Variants in ASMT observed in about 807,000 individuals in gnomAD.
ASMT encodes the protein acetylserotonin N-methyltransferase.
In ASMT, 53 loss-of-function variants were observed where a neutral mutation model predicts 41.3. The ratio of observed to expected loss-of-function variants is 1.28; its 90% CI spans 1.03 to 1.61. ASMT has a LOEUF of 1.61. Ranked by LOEUF, ASMT falls within the 40% of genes most tolerant of loss-of-function variation. ASMT has a pLI of 0.00. For missense variants in ASMT, 531 were observed against 441.3 expected (o/e 1.20, Z -1.82); for synonymous variants, 231 against 184.8 (o/e 1.25, Z -2.03).
chrX:1,624,394 G>A lies in ASMT; in HGVS notation c.370G>A (p.Val124Met), dbSNP rs202198958. 47 of 1,613,308 alleles carry A rather than the reference G, an allele frequency of 2.9e-5. No homozygotes were observed. Among genetic ancestry groups the A allele is most frequent in the Middle Eastern group, 1.8e-4 (1 of 5,544 alleles). Residue 124 changes from valine to methionine, a missense_variant, in exon 3 of 9, where the codon GTG becomes ATG. Val to Met is a conservative substitution (Grantham distance 21). Transcript: ENST00000381241. ...YRCWGHLADA[V>M]REGRNQYLET... is the part of the protein sequence containing the mutation. ...GTGCTGGGGCCACCTGGCAGACGCC[G>A]TGAGGTGGGGGCTGCCCCCAGGCAG...
intron 3 of ASMT, among the ~76,000 whole-genome samples, chrX:1,626,814 G>A (rs1162835489): frequency 1.2e-5 from 1 of 81,236 alleles, no homozygotes; most frequent in Non-Finnish European, 2.7e-5. Context: ...GATCACCTGA[G>A]GTCACGAGTT....
chrX:1,625,881 G>A (rs1354953984), intron 3 of ASMT, among the ~76,000 whole-genome samples: 11 of 150,198 alleles, frequency 7.3e-5, no homozygotes, highest in African/African-American at 2.7e-4. Context: ...TGTGAACCCG[G>A]GAGGCGGAGG....
chrX:1,636,459 T>C lies in ASMT; in HGVS notation c.809T>C (p.Leu270Pro). 6.2e-7 allele frequency: 1 copy of C among 1,613,920 alleles called. No homozygotes were observed. The highest frequency in any genetic ancestry group is 1.1e-5 in the South Asian group (1 of 91,072). ...FQEGDFFKDP[L>P]PEADLYILAR... ...CCAGGGGATTTCTTCAAAGACCCTC[T>C]TCCGGAAGCTGATCTGTACATCCTG... is the stretch of plus-strand genomic sequence containing the variant. Residue 270 changes from leucine to proline, a missense_variant, in exon 8 of 9, where the codon CTT becomes CCT. Transcript: ENST00000381241.
rs375915381 is a variant in ASMT at position 1,636,516 on chromosome X, A to G, written c.866A>G (p.Lys289Arg). 2 of 1,613,910 alleles carry G rather than the reference A, an allele frequency of 1.2e-6. No homozygotes were observed. Residue 289 changes from lysine to arginine, a missense_variant, in exon 8 of 9, where the codon AAG becomes AGG. Physicochemically the swap from Lys to Arg is conservative, Grantham distance 26. Transcript: ENST00000381241. The part of the protein sequence containing the change: ...ARVLHDWADG[K>R]CSHLLERIYH... Reference sequence around the variant, plus strand: ...GTCCTCCATGACTGGGCAGACGGAAAGTGCTCACACCTGCTGGAGAGGATC... The same window carrying G: ...GTCCTCCATGACTGGGCAGACGGAAGGTGCTCACACCTGCTGGAGAGGATC...
intron 1 of ASMT, among the ~76,000 whole-genome samples, chrX:1,618,304 C>T (rs1183821649): frequency 6.6e-6 from 1 of 152,130 alleles, no homozygotes; most frequent in East Asian, 1.9e-4. Context: ...GCTGGGATTT[C>T]AGGCGTCCAC....
At position 1,642,792 on chromosome X, in the gene ASMT, TC is replaced by T; in HGVS notation, c.911-8del. The T allele has an allele frequency of 6.2e-7, 1 of 1,611,886 alleles. No individual in the cohort carries two copies. Among genetic ancestry groups the T allele is most frequent in the Non-Finnish European group, 8.5e-7 (1 of 1,178,090 alleles). On this transcript the variant is annotated splice_polypyrimidine_tract_variant and intron_variant, in intron 8 of 8. Coordinates refer to ENST00000381241, the MANE Select transcript of ASMT (RefSeq NM_001171038.2). Reference sequence around the variant, plus strand: ...TTGTGTGTGATGTGGACTGTGCCCCTCCCTTTCTAGGTGGTGGCATTCTGGT... The same window carrying T: ...TTGTGTGTGATGTGGACTGTGCCCCTCCTTTCTAGGTGGTGGCATTCTGGT...
intron 3 of ASMT, among the ~76,000 whole-genome samples, chrX:1,625,622 A>AAGAG (rs1292600763): frequency 8.4e-5 from 12 of 142,710 alleles, no homozygotes; most frequent in Non-Finnish European, 1.4e-4. Context: ...GAAGGAAAGA[A>AAGAG]AGAGAGAGAG....
chrX:1,619,549 T>TATAATAATAATA (rs745727836), intron 1 of ASMT, among the ~76,000 whole-genome samples: 223 of 129,810 alleles, frequency 1.7e-3, no homozygotes, highest in African/African-American at 6.2e-3. Flanking sequence ...GAACTTAAAG[T>TATAATAATAATA]ATAATAATAA....
intron 1 of ASMT, among the ~76,000 whole-genome samples, chrX:1,619,587 TA>T (rs1266154476): frequency 8.1e-5 from 11 of 136,172 alleles, no homozygotes; most frequent in South Asian, 2.2e-4. Context: ...ATAATAATAA[TA>T]AAAAGTCTTT....
intron 1 of ASMT, among the ~76,000 whole-genome samples, chrX:1,622,685 T>C (rs1325983257): frequency 2.0e-5 from 3 of 151,084 alleles, no homozygotes; most frequent in Non-Finnish European, 4.4e-5. Flanking sequence ...AGGCCGAGGC[T>C]GGCAGATCAC....
intron 1 of ASMT, among the ~76,000 whole-genome samples, chrX:1,622,784 G>T (rs1934382638): frequency 1.3e-5 from 2 of 151,558 alleles, no homozygotes; most frequent in Admixed American, 1.3e-4. Context: ...TGGTGGAACA[G>T]GCCTGTAATC....
chrX:1,631,610 G>A (rs773057826), intron 5 of ASMT, among the ~76,000 whole-genome samples: 6 of 152,154 alleles, frequency 3.9e-5, no homozygotes, highest in Admixed American at 1.3e-4. Flanking sequence ...GGAGCAGCTT[G>A]GGAAGAAAAT....
At chrX:1,625,108 C>CTT (rs58353783) in intron 3 of ASMT, among the ~76,000 whole-genome samples, 3 of 136,034 alleles carry the variant, frequency 2.2e-5, no homozygotes, top group Non-Finnish European at 4.7e-5. Context: ...TCTTTTCTTT[C>CTT]TTTTTTTTTT....
At chrX:1,631,680 C>T (rs1189968038) in intron 5 of ASMT, among the ~76,000 whole-genome samples, 21 of 151,040 alleles carry the variant, frequency 1.4e-4, no homozygotes, top group African/African-American at 5.1e-4. Context: ...TTTGGGAGGC[C>T]GAGGCGGGTG....
intron 3 of ASMT, among the ~76,000 whole-genome samples, chrX:1,625,083 C>A (rs1934479269): frequency 6.7e-6 from 1 of 149,488 alleles, no homozygotes. Context: ...GTTTCTTTTT[C>A]TTTGTTTTTT....
intron 4 of ASMT, among the ~76,000 whole-genome samples, chrX:1,628,932 T>C (rs1352481343): frequency 6.8e-6 from 1 of 146,336 alleles, no homozygotes; most frequent in Non-Finnish European, 1.5e-5. Context: ...CTCTCTTTCT[T>C]TCTCTCTCTC....
At chrX:1,625,372 T>C (rs2149464230) in intron 3 of ASMT, among the ~76,000 whole-genome samples, 1 of 151,658 alleles carries the variant, frequency 6.6e-6, no homozygotes, top group African/African-American at 2.4e-5. Context: ...GGCAGGCACC[T>C]GTAGTCCCAG....
In ASMT at chrX:1,633,233, T is replaced by C; in HGVS notation, c.730T>C (p.Trp244Arg). The change falls in exon 7 of 9, where the codon TGG becomes CGG. Residue 244 changes from tryptophan (W) to arginine (R), a missense_variant. Physicochemically the swap from Trp to Arg is moderately radical, Grantham distance 101. Transcript: ENST00000381241. ...ITVFDIPEVVWTAKQHFSFQE... is the reference protein window; with the variant it reads ...ITVFDIPEVVRTAKQHFSFQE... ...CGTTTTTGACATCCCAGAAGTGGTG[T>C]GGACGGCAAAGCAGCACTTCTCATT... The C allele has an allele frequency of 6.2e-7, 1 of 1,613,936 alleles. No homozygotes were observed.
chrX:1,632,348 G>A lies in ASMT; in HGVS notation c.563-356G>A, dbSNP rs769905120. Among the ~76,000 whole-genome samples, 5 of 152,064 alleles carry A rather than the reference G, an allele frequency of 3.3e-5. No individual in the cohort carries two copies. In the South Asian group the frequency reaches 8.3e-4, roughly 25 times the overall value. ...CACGTCACCGTCAAGATTAGACATGGTGGATAAAAAAGGATGAGTTCGGCC... is the reference window on the plus strand; with the variant it reads ...CACGTCACCGTCAAGATTAGACATGATGGATAAAAAAGGATGAGTTCGGCC... On this transcript the variant is annotated intron_variant, in intron 5 of 8. Coordinates refer to ENST00000381241, the MANE Select transcript of ASMT (RefSeq NM_001171038.2).
Sources: allele counts gnomAD v4.1 joint callset (sites outside exome capture counted in the v4.1 genomes callset), GRCh38; gene constraint gnomAD v4.1.1; transcripts MANE v1.5; gene names NCBI Gene and HGNC (gene_info 2026-07-23, HGNC 2026-07-21).